Variants in NCKAP5 observed in about 807,000 individuals in gnomAD.
NCKAP5 encodes nck-associated protein 5.
Under a neutral mutation model 167.0 loss-of-function variants are expected in NCKAP5, and 92 were observed. The observed-to-expected ratio is 0.55, with a 90% CI of 0.47 to 0.66. NCKAP5 has a LOEUF of 0.66. Ranked by LOEUF, NCKAP5 falls within the 30% of genes least tolerant of loss-of-function variation. NCKAP5 has a pLI of 0.00. For synonymous variants in NCKAP5, 891 were observed against 877.4 expected (o/e 1.02, Z -0.27); for missense variants, 2,378 against 2,315.0 (o/e 1.03, Z -0.56).
intron 13 of NCKAP5, 141 bp downstream of exon 13, chr2:132,789,882 G>A (rs931564912): frequency 1.6e-5 from 11 of 699,798 alleles, no homozygotes; most frequent in African/African-American, 3.6e-5. Flanking sequence ...ATTGATGAAA[G>A]GATGTCAGTA....
intron 3 of NCKAP5, among the ~76,000 whole-genome samples, chr2:133,343,677 G>A (rs1345085179): frequency 6.6e-6 from 1 of 152,160 alleles, no homozygotes; most frequent in Non-Finnish European, 1.5e-5. Context: ...TACTGCCATA[G>A]ACAGGATGTA....
At chr2:132,959,043 A>G (rs893728249) in intron 8 of NCKAP5, among the ~76,000 whole-genome samples, 3 of 147,396 alleles carry the variant, frequency 2.0e-5, no homozygotes, top group Non-Finnish European at 4.5e-5. Context: ...ATTATTAAAT[A>G]TTATATTATT....
chr2:132,845,512 A>G (rs994289667), intron 11 of NCKAP5, among the ~76,000 whole-genome samples: 3 of 152,172 alleles, frequency 2.0e-5, no homozygotes, highest in African/African-American at 7.2e-5. Flanking sequence ...CAAATGAATT[A>G]TCAAATGCAC....
chr2:133,017,016 G>T (rs1011586808), intron 6 of NCKAP5, among the ~76,000 whole-genome samples: 1 of 152,206 alleles, frequency 6.6e-6, no homozygotes, highest in Non-Finnish European at 1.5e-5. Context: ...TTGATAGGCA[G>T]TGTGAAATGT....
At chr2:133,175,268 G>C (rs976470751) in intron 5 of NCKAP5, among the ~76,000 whole-genome samples, 2 of 152,086 alleles carry the variant, frequency 1.3e-5, no homozygotes, top group African/African-American at 2.4e-5. Flanking sequence ...ACCCTTTCTT[G>C]TGATATATGT....
chr2:133,003,183 T>C lies in NCKAP5; in HGVS notation c.342-8944A>G, dbSNP rs1221642527. 2.6e-5 allele frequency among the ~76,000 whole-genome samples: 4 copies of C among 152,176 alleles called. No individual in the cohort carries two copies. In the East Asian group the frequency reaches 7.7e-4, roughly 29 times the overall value. On this transcript the variant is annotated intron_variant, in intron 6 of 19. Transcript: ENST00000409261. Reference sequence around the variant, plus strand: ...AATCTCTGCCAAGACAGCCCACTGCTCTCCTACTTGGGAGAGAGAGGATAG... The same window carrying C: ...AATCTCTGCCAAGACAGCCCACTGCCCTCCTACTTGGGAGAGAGAGGATAG...
Position 133,032,884 on chromosome 2 carries a change from C to T in NCKAP5, c.342-38645G>A, listed in dbSNP as rs114267588. ...CACATGGTGTACCAGTGGGGAGAGA[C>T]AGAGCAAGCGAAGGGGGAAGTGCTA... On this transcript the variant is annotated intron_variant, in intron 6 of 19. Transcript: ENST00000409261. Among the ~76,000 whole-genome samples, 1,485 of 152,190 alleles carry T rather than the reference C, an allele frequency of 9.8e-3. 23 individuals are homozygous for T. The highest frequency in any genetic ancestry group is 0.034 in the African/African-American group (1,422 of 41,514).
At chr2:132,829,382 A>G (rs542131787) in intron 11 of NCKAP5, among the ~76,000 whole-genome samples, 2 of 152,294 alleles carry the variant, frequency 1.3e-5, no homozygotes, top group Non-Finnish European at 2.9e-5. Context: ...GATACTCAAT[A>G]AGTGGTAGCT....
chr2:133,299,923 C>A (rs1228919267), intron 4 of NCKAP5, among the ~76,000 whole-genome samples: 1 of 151,614 alleles, frequency 6.6e-6, no homozygotes, highest in Non-Finnish European at 1.5e-5. Flanking sequence ...CAAATAGACA[C>A]AATAAAAAAT....
intron 3 of NCKAP5, among the ~76,000 whole-genome samples, chr2:133,500,089 T>C (rs1442440170): frequency 2.6e-5 from 4 of 152,142 alleles, no homozygotes; most frequent in Admixed American, 6.5e-5. Flanking sequence ...ACACAGAATC[T>C]TATAAAAAGG....
chr2:133,585,012 A>G, the NCKAP5 span, among the ~76,000 whole-genome samples: 1 of 145,584 alleles, frequency 6.9e-6, no homozygotes, highest in African/African-American at 2.5e-5. Flanking sequence ...GAAAGAGAGA[A>G]AAGAAAAGAA....
At chr2:132,745,102 T>C (rs984907023) in intron 16 of NCKAP5, among the ~76,000 whole-genome samples, 1 of 151,814 alleles carries the variant, frequency 6.6e-6, no homozygotes, top group East Asian at 1.9e-4. Context: ...ACTTTCCACA[T>C]CATTTTATAA....
At chr2:132,864,242 G>T (rs1690163265) in intron 10 of NCKAP5, among the ~76,000 whole-genome samples, 1 of 151,798 alleles carries the variant, frequency 6.6e-6, no homozygotes, top group Non-Finnish European at 1.5e-5. Context: ...CCTCAAGAAA[G>T]AACCTCACTG....
intron 6 of NCKAP5, among the ~76,000 whole-genome samples, chr2:133,003,842 T>C (rs1035785294): frequency 2.0e-5 from 3 of 152,180 alleles, no homozygotes; most frequent in African/African-American, 7.2e-5. Flanking sequence ...TCATATTCAC[T>C]CCAGGGCCAT....
At chr2:133,000,452 A>G (rs1214153596) in intron 6 of NCKAP5, among the ~76,000 whole-genome samples, 3 of 152,230 alleles carry the variant, frequency 2.0e-5, no homozygotes, top group East Asian at 3.8e-4. Context: ...AAAGAGGACC[A>G]GCATACTTCC....
intron 3 of NCKAP5, among the ~76,000 whole-genome samples, chr2:133,494,857 A>C (rs1470827515): frequency 6.6e-6 from 1 of 152,192 alleles, no homozygotes; most frequent in Non-Finnish European, 1.5e-5. Flanking sequence ...AGGAAAATCT[A>C]CATTTTGTCG....
At chr2:133,236,576 T>C (rs1239758508) in intron 4 of NCKAP5, among the ~76,000 whole-genome samples, 1 of 152,132 alleles carries the variant, frequency 6.6e-6, no homozygotes, top group Non-Finnish European at 1.5e-5. Flanking sequence ...TAGATGATGA[T>C]AGGAAAAATG....
intron 2 of NCKAP5, among the ~76,000 whole-genome samples, chr2:133,532,452 T>C (rs1220507274): frequency 6.6e-6 from 1 of 152,176 alleles, no homozygotes; most frequent in Non-Finnish European, 1.5e-5. Flanking sequence ...AATTTATACT[T>C]ATATCACCCA....
At chr2:133,255,581 G>A (rs72985682) in intron 4 of NCKAP5, among the ~76,000 whole-genome samples, 3,906 of 152,216 alleles carry the variant, frequency 0.026, 149 homozygotes, top group African/African-American at 0.084. Context: ...GAATGGATAC[G>A]AAATGAGGTC....
Sources: gnomAD v4.1 joint callset for allele counts (sites outside exome capture counted in the v4.1 genomes callset) on GRCh38, gnomAD v4.1.1 for gene constraint, MANE v1.5 for transcripts, NCBI Gene and HGNC (gene_info 2026-07-23, HGNC 2026-07-21) for gene names.